Variants in CLSTN2 observed in about 807,000 individuals in gnomAD.
CLSTN2 encodes the protein calsyntenin 2.
CLSTN2 carries 48 observed loss-of-function variants against 101.2 expected under a neutral mutation model. That is an observed-to-expected ratio of 0.47 (90% CI 0.38 to 0.60). CLSTN2 has a LOEUF of 0.60. Ranked by LOEUF, CLSTN2 falls within the 20% of genes least tolerant of loss-of-function variation. The probability of loss-of-function intolerance (pLI) is 0.00; values close to 1 mark genes in which losing one functional copy is unlikely to be tolerated. For missense variants in CLSTN2, 1,160 were observed against 1,238.2 expected (o/e 0.94, Z 0.95); for synonymous variants, 481 against 463.6 (o/e 1.04, Z -0.48).
chr3:140,300,209 C>T (rs1275612047), intron 2 of CLSTN2, among the ~76,000 whole-genome samples: 3 of 152,216 alleles, frequency 2.0e-5, no homozygotes, highest in African/African-American at 7.2e-5. Flanking sequence ...CATAATAATG[C>T]ATAAGAATCA....
rs571152652 is a variant in CLSTN2 at position 140,405,705 on chromosome 3, G to A, written c.637+939G>A. 3.2e-4 allele frequency among the ~76,000 whole-genome samples: 48 copies of A among 152,318 alleles called. 1 individual carries two copies. The South Asian group carries it at 9.5e-3, about 30-fold the overall frequency. ...CACCACGAATAGAAAACTCATTGTA[G>A]TATAAACGCCACAACCAGAGCCCCA... On this transcript the variant is annotated intron_variant, in intron 4 of 16. Coordinates refer to ENST00000458420, the MANE Select transcript of CLSTN2 (RefSeq NM_022131.3).
chr3:140,350,122 T>C (rs2087589904), intron 2 of CLSTN2, among the ~76,000 whole-genome samples: 1 of 152,252 alleles, frequency 6.6e-6, no homozygotes. Flanking sequence ...CCCACGTGAT[T>C]CTGCCTCTTG....
At chr3:140,081,307 T>G (rs994323191) in intron 1 of CLSTN2, among the ~76,000 whole-genome samples, 1 of 152,212 alleles carries the variant, frequency 6.6e-6, no homozygotes, top group Non-Finnish European at 1.5e-5. Flanking sequence ...TTGACAGCAA[T>G]GGAAAGTTTA....
intron 1 of CLSTN2, among the ~76,000 whole-genome samples, chr3:140,012,645 G>A (rs149481092): frequency 2.9e-3 from 436 of 152,262 alleles, no homozygotes; most frequent in African/African-American, 9.9e-3. Context: ...GCATCTCATC[G>A]ACTCTCCCAG....
rs1284040687 is a variant in CLSTN2, at chr3:140,566,763, G to T, written c.*510G>T. The T allele has an allele frequency of 6.2e-6, 1 of 160,402 alleles. No homozygotes were observed. The highest frequency in any genetic ancestry group is 1.4e-5 in the Non-Finnish European group (1 of 71,888). 9.9% of individuals were successfully genotyped at this position (160,402 alleles called of 1,614,324 possible). Reference sequence around the variant, plus strand: ...CTTAACAGTTTAAAGGAAAGTCCTTGTTGAGGCAGAACTAAGTTTACAGGG... The same window carrying T: ...CTTAACAGTTTAAAGGAAAGTCCTTTTTGAGGCAGAACTAAGTTTACAGGG... On this transcript the variant is annotated 3_prime_UTR_variant, in exon 17 of 17. Coordinates refer to ENST00000458420, the MANE Select transcript of CLSTN2 (RefSeq NM_022131.3).
chr3:140,409,680 A>G (rs1183671494), intron 4 of CLSTN2, among the ~76,000 whole-genome samples: 2 of 152,160 alleles, frequency 1.3e-5, no homozygotes, highest in African/African-American at 2.4e-5. Flanking sequence ...AAGCAACACA[A>G]TATACTGTCA....
chr3:140,138,102 T>C (rs540035699), intron 1 of CLSTN2, among the ~76,000 whole-genome samples: 1 of 152,182 alleles, frequency 6.6e-6, no homozygotes, highest in Non-Finnish European at 1.5e-5. Context: ...TACCCTTGCT[T>C]AAAGGTAAAT....
chr3:140,036,679 C>T (rs2007661450), intron 1 of CLSTN2, among the ~76,000 whole-genome samples: 1 of 151,608 alleles, frequency 6.6e-6, no homozygotes, highest in Admixed American at 6.6e-5. Context: ...GTCAAATGTC[C>T]CACCCATCCC....
chr3:140,340,580 AT>A (rs1379719498), intron 2 of CLSTN2, among the ~76,000 whole-genome samples: 1 of 152,172 alleles, frequency 6.6e-6, no homozygotes, highest in Non-Finnish European at 1.5e-5. Context: ...AAAATTTCAA[AT>A]GATGGTACAG....
chr3:140,027,249 C>T (rs550164135), intron 1 of CLSTN2, among the ~76,000 whole-genome samples: 150 of 152,242 alleles, frequency 9.9e-4, no homozygotes, highest in African/African-American at 3.5e-3. Flanking sequence ...AGAATATAGC[C>T]TTGTTTGGAA....
chr3:140,020,931 T>C, intron 1 of CLSTN2, among the ~76,000 whole-genome samples: 1 of 152,256 alleles, frequency 6.6e-6, no homozygotes, highest in East Asian at 1.9e-4. Flanking sequence ...GGAAAATGGA[T>C]GCCGATCTCT....
In CLSTN2 at chr3:140,178,448, CTTGAAACCATAGT is replaced by C; in HGVS notation, c.232+2378_232+2390del. ...TGCACCCACAACTGTTCAGACACTT[CTTGAAACCATAGT>C]TTCCTTCTAAGCCAAGTCTTGAGTA... On this transcript the variant is annotated intron_variant, in intron 2 of 16. Coordinates refer to ENST00000458420, the MANE Select transcript of CLSTN2 (RefSeq NM_022131.3). 2.0e-5 allele frequency among the ~76,000 whole-genome samples: 3 copies of C among 152,298 alleles called. 1 individual carries two copies. Among genetic ancestry groups the C allele is most frequent in the Admixed American group, 2.0e-4 (3 of 15,306 alleles).
At chr3:140,156,547 C>T in intron 1 of CLSTN2, among the ~76,000 whole-genome samples, 1 of 152,156 alleles carries the variant, frequency 6.6e-6, no homozygotes, top group Non-Finnish European at 1.5e-5. Flanking sequence ...TGTAATGAGG[C>T]CCCAGCTGCT....
intron 1 of CLSTN2, among the ~76,000 whole-genome samples, chr3:140,128,050 T>C (rs2009464061): frequency 6.6e-6 from 1 of 152,188 alleles, no homozygotes; most frequent in South Asian, 2.1e-4. Context: ...AATGGATTCA[T>C]TGTAGGGGTT....
intron 1 of CLSTN2, among the ~76,000 whole-genome samples, chr3:140,090,659 G>T (rs937388687): frequency 1.3e-5 from 2 of 152,138 alleles, no homozygotes; most frequent in African/African-American, 4.8e-5. Flanking sequence ...AGGGAACAGT[G>T]AATCTCATGG....
chr3:140,202,434 T>C (rs763061282), intron 2 of CLSTN2, among the ~76,000 whole-genome samples: 1 of 152,204 alleles, frequency 6.6e-6, no homozygotes, highest in Non-Finnish European at 1.5e-5. Flanking sequence ...CTACAAGATT[T>C]GGCACCTAAA....
At chr3:140,055,865 G>C (rs1443122319) in intron 1 of CLSTN2, among the ~76,000 whole-genome samples, 1 of 152,212 alleles carries the variant, frequency 6.6e-6, no homozygotes, top group Admixed American at 6.5e-5. Context: ...GATCAAAGGA[G>C]GGTAGAGCCT....
At chr3:140,121,002 C>T (rs1473487541) in intron 1 of CLSTN2, among the ~76,000 whole-genome samples, 2 of 152,126 alleles carry the variant, frequency 1.3e-5, no homozygotes, top group Non-Finnish European at 2.9e-5. Flanking sequence ...TGTGCCAGAG[C>T]CTCTGGTAAA....
intron 2 of CLSTN2, among the ~76,000 whole-genome samples, chr3:140,341,666 ACT>A (rs1421671382): frequency 6.6e-6 from 1 of 152,176 alleles, no homozygotes; most frequent in African/African-American, 2.4e-5. Context: ...GACCAGGCAC[ACT>A]GTGTTCAAGT....
Sources: allele counts gnomAD v4.1 joint callset (sites outside exome capture counted in the v4.1 genomes callset), GRCh38; gene constraint gnomAD v4.1.1; transcripts MANE v1.5; gene names NCBI Gene and HGNC (gene_info 2026-07-23, HGNC 2026-07-21).